Variants in MACROD2 observed in about 807,000 individuals in gnomAD.
MACROD2 encodes mono-ADP ribosylhydrolase 2.
MACROD2 carries 36 observed loss-of-function variants against 70.4 expected under a neutral mutation model. The ratio of observed to expected loss-of-function variants is 0.51; its 90% CI spans 0.39 to 0.68. The LOEUF (loss-of-function observed/expected upper bound fraction) is 0.68, where lower values mean the gene tolerates loss of function less well. Ranked by LOEUF, MACROD2 falls within the 30% of genes least tolerant of loss-of-function variation. The pLI, the probability that MACROD2 is intolerant of heterozygous loss-of-function variation, is 0.00. For missense variants in MACROD2, 496 were observed against 538.4 expected (o/e 0.92, Z 0.78); for synonymous variants, 172 against 178.8 (o/e 0.96, Z 0.30).
At chr20:15,435,463 GT>G (rs1394030042) in intron 7 of MACROD2, among the ~76,000 whole-genome samples, 1 of 152,014 alleles carries the variant, frequency 6.6e-6, no homozygotes, top group East Asian at 1.9e-4. Flanking sequence ...ATACCAAACT[GT>G]TTTCTAAAGT....
chr20:14,281,721 G>T (rs1414043558), intron 3 of MACROD2, among the ~76,000 whole-genome samples: 1 of 151,878 alleles, frequency 6.6e-6, no homozygotes, highest in Non-Finnish European at 1.5e-5. Flanking sequence ...CGGATCACAA[G>T]GTCAGGAGTT....
chr20:15,726,201 G>T (rs1050774681), intron 8 of MACROD2, among the ~76,000 whole-genome samples: 1 of 152,016 alleles, frequency 6.6e-6, no homozygotes, highest in African/African-American at 2.4e-5. Context: ...CTGGTTCTAC[G>T]TTAGTTCTCT....
intron 3 of MACROD2, among the ~76,000 whole-genome samples, chr20:14,137,276 G>A (rs1383500771): frequency 6.6e-6 from 1 of 152,176 alleles, no homozygotes; most frequent in Non-Finnish European, 1.5e-5. Flanking sequence ...TCTTACAAGA[G>A]TAAGCTAGAG....
At chr20:14,864,130 T>C (rs1442315917) in intron 5 of MACROD2, among the ~76,000 whole-genome samples, 1 of 152,104 alleles carries the variant, frequency 6.6e-6, no homozygotes, top group Non-Finnish European at 1.5e-5. Flanking sequence ...ATTTAAAAAG[T>C]TTCCATTTTA....
At chr20:15,529,427 T>A (rs1282434799) in intron 8 of MACROD2, among the ~76,000 whole-genome samples, 2 of 152,116 alleles carry the variant, frequency 1.3e-5, no homozygotes, top group Admixed American at 6.6e-5. Flanking sequence ...ATATATATAT[T>A]TGTGGCTGAC....
intron 3 of MACROD2, among the ~76,000 whole-genome samples, chr20:14,117,847 C>G (rs1054783036): frequency 4.6e-5 from 7 of 152,126 alleles, no homozygotes; most frequent in African/African-American, 1.7e-4. Context: ...CTAAGATGTT[C>G]CTCAAGATTC....
At chr20:14,603,941 G>A (rs1034675605) in intron 4 of MACROD2, among the ~76,000 whole-genome samples, 1 of 152,020 alleles carries the variant, frequency 6.6e-6, no homozygotes, top group Non-Finnish European at 1.5e-5. Flanking sequence ...GCTACAATTG[G>A]AAGGCAATTC....
chr20:15,986,319 A>T (rs1379655371), intron 13 of MACROD2, among the ~76,000 whole-genome samples: 1 of 152,182 alleles, frequency 6.6e-6, no homozygotes, highest in African/African-American at 2.4e-5. Flanking sequence ...GGAAAAATGA[A>T]AGTGCAAGTA....
At chr20:14,418,903 T>A (rs755901435) in intron 3 of MACROD2, among the ~76,000 whole-genome samples, 3 of 152,202 alleles carry the variant, frequency 2.0e-5, no homozygotes, top group Non-Finnish European at 2.9e-5. Context: ...TTTCTTTGTC[T>A]CCATGTTTCC....
chr20:15,745,614 TATTA>T, intron 8 of MACROD2, among the ~76,000 whole-genome samples: 1 of 152,304 alleles, frequency 6.6e-6, no homozygotes. Context: ...GTTTTGAATT[TATTA>T]ATCTTTTTTA....
rs1235362455 is a variant in MACROD2 at position 14,327,152 on chromosome 20, T to C, written c.272-166327T>C. On this transcript the variant is annotated intron_variant, in intron 3 of 17. Transcript: ENST00000684519. ...ATTTTTGAAAGTGAATCATAAGTGA[T>C]AGTCCTTATGTTATTTTCTTGCAAA... is the stretch of plus-strand genomic sequence containing the variant. 2 of 1,613,692 alleles carry C rather than the reference T, an allele frequency of 1.2e-6. No individual in the cohort carries two copies. The highest frequency in any genetic ancestry group is 3.3e-5 in the Admixed American group (2 of 59,972).
intron 3 of MACROD2, among the ~76,000 whole-genome samples, chr20:14,159,199 T>C (rs1188454963): frequency 6.6e-6 from 1 of 152,052 alleles, no homozygotes; most frequent in Non-Finnish European, 1.5e-5. Context: ...GATTGCACCA[T>C]TGCACTCCAG....
At chr20:15,860,835 G>A (rs150691252) in intron 8 of MACROD2, among the ~76,000 whole-genome samples, 1 of 152,276 alleles carries the variant, frequency 6.6e-6, no homozygotes, top group African/African-American at 2.4e-5. Context: ...TTTTTGGAAT[G>A]TTTTTGAGCA....
intron 8 of MACROD2, among the ~76,000 whole-genome samples, chr20:15,727,826 CA>C (rs2050887092): frequency 6.6e-6 from 1 of 152,064 alleles, no homozygotes; most frequent in South Asian, 2.1e-4. Context: ...AGGTTTTGGG[CA>C]GAGACTATGG....
chr20:15,852,061 C>T lies in MACROD2; in HGVS notation c.646-10684C>T, dbSNP rs183690596. 9.2e-5 allele frequency among the ~76,000 whole-genome samples: 14 copies of T among 152,288 alleles called. No individual in the cohort carries two copies. The East Asian group carries it at 2.3e-3, about 25-fold the overall frequency. ...ATGCTTGCTGTGCTAGAATATAGAA[C>T]GGCAGGCCCTAAGCCTGTGTGTGTG... On this transcript the variant is annotated intron_variant, in intron 8 of 17. Transcript: ENST00000684519.
intron 6 of MACROD2, among the ~76,000 whole-genome samples, chr20:15,423,194 A>G (rs2046252941): frequency 6.6e-6 from 1 of 152,134 alleles, no homozygotes; most frequent in Admixed American, 6.5e-5. Context: ...TTACATGGCT[A>G]TGGGTTGGTT....
chr20:14,247,562 T>A (rs1040404879), intron 3 of MACROD2, among the ~76,000 whole-genome samples: 8 of 152,224 alleles, frequency 5.3e-5, no homozygotes, highest in Non-Finnish European at 1.2e-4. Context: ...AGGTTGGGTG[T>A]CCCTAATCTG....
intron 6 of MACROD2, among the ~76,000 whole-genome samples, chr20:15,398,018 A>G (rs924813876): frequency 5.9e-5 from 9 of 152,204 alleles, no homozygotes; most frequent in Non-Finnish European, 1.2e-4. Context: ...TCAGTTTCCC[A>G]TACCGAGAGT....
intron 8 of MACROD2, among the ~76,000 whole-genome samples, chr20:15,680,368 C>T (rs1303118975): frequency 6.6e-6 from 1 of 152,188 alleles, no homozygotes; most frequent in African/African-American, 2.4e-5. Context: ...GAGGATTTTA[C>T]TGCTGCTTCC....
Sources: gnomAD v4.1 joint callset for allele counts (sites outside exome capture counted in the v4.1 genomes callset) on GRCh38, gnomAD v4.1.1 for gene constraint, MANE v1.5 for transcripts, NCBI Gene and HGNC (gene_info 2026-07-23, HGNC 2026-07-21) for gene names.